Variants in CNDP2 observed in about 807,000 individuals in gnomAD.
CNDP2 encodes carnosine dipeptidase 2.
Under a neutral mutation model 55.0 loss-of-function variants are expected in CNDP2, and 38 were observed. The observed-to-expected ratio is 0.69, with a 90% CI of 0.53 to 0.90. CNDP2 has a LOEUF of 0.90. Among genes scored for constraint, CNDP2 ranks in the 40% least tolerant of loss-of-function variants. The pLI, the probability that CNDP2 is intolerant of heterozygous loss-of-function variation, is 0.00. For missense variants in CNDP2, 607 were observed against 621.7 expected (o/e 0.98, Z 0.25); for synonymous variants, 241 against 260.2 (o/e 0.93, Z 0.71).
chr18:74,500,309 C>T (rs551005793), intron 2 of CNDP2, among the ~76,000 whole-genome samples: 2 of 152,312 alleles, frequency 1.3e-5, no homozygotes, highest in East Asian at 3.9e-4. Context: ...AAATAGTTTG[C>T]ATTAAGTATG....
rs1980050343 is a variant in CNDP2 at position 74,521,578 on chromosome 18, G to T, written c.*1510G>T. Reference sequence around the variant, plus strand: ...CACAGGAGCCAGCCTGGAAGAGTTTGCAGGGGCCCAGGGGAGCAATTGGAG... The same window carrying T: ...CACAGGAGCCAGCCTGGAAGAGTTTTCAGGGGCCCAGGGGAGCAATTGGAG... On this transcript the variant is annotated 3_prime_UTR_variant, in exon 12 of 12. Coordinates refer to ENST00000324262, the MANE Select transcript of CNDP2 (RefSeq NM_018235.3). The T allele has an allele frequency of 6.6e-6, 1 of 152,342 alleles. No homozygotes were observed. The highest frequency in any genetic ancestry group is 1.5e-5 in the Non-Finnish European group (1 of 68,122). 9.4% of individuals were successfully genotyped at this position (152,342 alleles called of 1,614,324 possible).
Position 74,520,332 on chromosome 18 carries a change from C to A in CNDP2, c.*264C>A. 2.3e-6 allele frequency: 1 copy of A among 443,216 alleles called. No homozygotes were observed. 27.5% of individuals were successfully genotyped at this position (443,216 alleles called of 1,614,324 possible). ...GATGGCTTGACCTGCAGAAGATACC[C>A]AAGGTCCAAAAGCACAAGGTCTGCG... On this transcript the variant is annotated 3_prime_UTR_variant, in exon 12 of 12. Coordinates refer to ENST00000324262, the MANE Select transcript of CNDP2 (RefSeq NM_018235.3).
rs894396143 is a variant in CNDP2 at position 74,516,446 on chromosome 18, A to G, written c.1068+54A>G. 7 of 1,517,838 alleles carry G rather than the reference A, an allele frequency of 4.6e-6. No individual in the cohort carries two copies. In the South Asian group the frequency reaches 8.8e-5, roughly 19 times the overall value. The allele number at this position is 1,517,838 out of a possible 1,614,324, so 94.0% of individuals were successfully genotyped here. The stretch of plus-strand genomic sequence containing the variant: ...GCCAAGAGCTACTGTGTCCGGGCAG[A>G]GACTTGGGTAATATAGGCTGTTACT... On this transcript the variant is annotated intron_variant, in intron 9 of 11. Coordinates refer to ENST00000324262, the MANE Select transcript of CNDP2 (RefSeq NM_018235.3).
Position 74,520,099 on chromosome 18 carries a change from G to GA in CNDP2, c.*33dup, listed in dbSNP as rs1568284344. ...GCCCTCTGTGTGCCATCTCCAATGAGAAGGAATCCTGCCCTCACCTCACCC... is the reference window on the plus strand; with the variant it reads ...GCCCTCTGTGTGCCATCTCCAATGAGAAAGGAATCCTGCCCTCACCTCACCC... On this transcript the variant is annotated 3_prime_UTR_variant, in exon 12 of 12. Transcript: ENST00000324262. The GA allele has an allele frequency of 6.2e-7, 1 of 1,609,334 alleles. No individual in the cohort carries two copies. Among genetic ancestry groups the GA allele is most frequent in the Non-Finnish European group, 8.5e-7 (1 of 1,175,792 alleles).
chr18:74,508,611 G>T, intron 4 of CNDP2: 1 of 488,038 alleles, frequency 2.0e-6, no homozygotes, highest in South Asian at 2.7e-5. Flanking sequence ...ACCACGGTGG[G>T]AGAAGGAAGG....
At chr18:74,499,852 T>C in intron 1 of CNDP2, 30 bp from the exon 2 acceptor site, 1 of 791,608 alleles carries the variant, frequency 1.3e-6, no homozygotes, top group Non-Finnish European at 2.0e-6. Flanking sequence ...GGCAACAATT[T>C]ACAATTCTGA....
chr18:74,504,081 G>C (rs55713222), intron 3 of CNDP2, among the ~76,000 whole-genome samples: 93 of 84,988 alleles, frequency 1.1e-3, no homozygotes, highest in Middle Eastern at 0.012. Flanking sequence ...CGCAGCCACA[G>C]TGCCGCTGGG....
At chr18:74,503,424 G>C (rs1978825174) in intron 3 of CNDP2, among the ~76,000 whole-genome samples, 1 of 152,176 alleles carries the variant, frequency 6.6e-6, no homozygotes, top group Non-Finnish European at 1.5e-5. Flanking sequence ...GTGGAAGTGG[G>C]TGTTTTCCTG....
At chr18:74,518,812 C>T (rs1321679782) in intron 10 of CNDP2, 137 bp from the exon 11 acceptor site, 65 of 1,440,370 alleles carry the variant, frequency 4.5e-5, no homozygotes, top group Non-Finnish European at 5.2e-5. Context: ...GGACCCCTGG[C>T]GGACCTTGAA....
At chr18:74,516,131 C>T in intron 8 of CNDP2, 97 bp from the exon 9 acceptor site, 1 of 1,355,348 alleles carries the variant, frequency 7.4e-7, no homozygotes, top group Non-Finnish European at 1.0e-6. Context: ...CTGTTTCATA[C>T]CGCTCATTTC....
At position 74,513,572 on chromosome 18, in the gene CNDP2, C is replaced by T. The variant is rs141081333; in HGVS notation, c.756C>T (p.Asp252=). ...GGCTTCCCTCAGGCTCTTTGGTGGA[C>T]AAGAGGGGGAACATCCTGATCCCCG... ...DLILLMGSLV[D]KRGNILIPGI... Residue 252 remains aspartate, a synonymous_variant, in exon 8 of 12, where the codon GAC becomes GAT. Transcript: ENST00000324262. 3.4e-4 allele frequency: 541 copies of T among 1,612,828 alleles called. 6 individuals carry two copies. The East Asian group carries it at 0.011, about 33-fold the overall frequency.
In CNDP2 at chr18:74,512,671, C is replaced by G. The variant is rs1271003028; in HGVS notation, c.742+139C>G. 4 of 672,886 alleles carry G rather than the reference C, an allele frequency of 5.9e-6. No individual in the cohort carries two copies. In the African/African-American group the frequency reaches 7.3e-5, roughly 12 times the overall value. 41.7% of individuals were successfully genotyped at this position (672,886 alleles called of 1,614,324 possible). A position where few individuals can be genotyped will look rare whatever the true frequency, so the allele number is the denominator to read the frequency against. On this transcript the variant is annotated intron_variant, in intron 7 of 11. Transcript: ENST00000324262. ...TGTCTCAGTTTCCTACTGTGCCTCT[C>G]CCTCCTTCCACTCACTTGTCCCTCT...
chr18:74,501,302 C>T, intron 2 of CNDP2, 27 bp from the exon 3 acceptor site: 1 of 1,604,554 alleles, frequency 6.2e-7, no homozygotes, highest in Non-Finnish European at 8.5e-7. Flanking sequence ...TTTTCAGAAT[C>T]CCTCGTTGCT....
At chr18:74,502,447 A>G (rs1402107538) in intron 3 of CNDP2, among the ~76,000 whole-genome samples, 1 of 150,798 alleles carries the variant, frequency 6.6e-6, no homozygotes, top group East Asian at 2.0e-4. Context: ...GTGTGTATAT[A>G]TATGTGTGTT....
In CNDP2 at chr18:74,516,356, C is replaced by T. The variant is rs199690568; in HGVS notation, c.1032C>T (p.Leu344=). 82 of 1,613,778 alleles carry T rather than the reference C, an allele frequency of 5.1e-5. No individual in the cohort carries two copies. Among genetic ancestry groups the T allele is most frequent in the Non-Finnish European group, 6.5e-5 (77 of 1,179,822 alleles). ...TGGTTGGCAAGTTCTCCATCAGGCT[C>T]GTGCCGAACATGACTCCTGAAGTCG... ...RKVVGKFSIR[L]VPNMTPEVVG... is the part of the protein sequence containing the mutation. The change falls in exon 9 of 12, where the codon CTC becomes CTT. Residue 344 remains leucine (L), a synonymous_variant. Transcript: ENST00000324262.
chr18:74,502,830 T>C (rs1421072969), intron 3 of CNDP2, among the ~76,000 whole-genome samples: 2 of 151,922 alleles, frequency 1.3e-5, no homozygotes, highest in Non-Finnish European at 2.9e-5. Context: ...AGGGAGAGAG[T>C]GGAGGCCAGG....
Position 74,511,402 on chromosome 18 carries a change from C to T in CNDP2, c.657+389C>T, listed in dbSNP as rs186299706. ...GGCTCCTTATCCCATGACTAAGTGA[C>T]GCACGGGAAAAAGAGAAACCGAGGC... is the stretch of plus-strand genomic sequence containing the variant. On this transcript the variant is annotated intron_variant, in intron 6 of 11. Coordinates refer to ENST00000324262, the MANE Select transcript of CNDP2 (RefSeq NM_018235.3). Among the ~76,000 whole-genome samples the T allele has an allele frequency of 2.6e-4, 40 of 152,238 alleles. 1 individual carries two copies. Among genetic ancestry groups the T allele is most frequent in the Admixed American group, 1.1e-3 (17 of 15,292 alleles).
intron 1 of CNDP2, among the ~76,000 whole-genome samples, chr18:74,496,717 G>A (rs1035913140): frequency 6.6e-6 from 1 of 152,242 alleles, no homozygotes; most frequent in Non-Finnish European, 1.5e-5. Context: ...AAGCTGGGCG[G>A]CGCACTTGGC....
At chr18:74,519,826 G>C (rs1224614603) in intron 11 of CNDP2, among the ~76,000 whole-genome samples, 173 bp from the exon 12 acceptor site, 1 of 152,220 alleles carries the variant, frequency 6.6e-6, no homozygotes, top group Non-Finnish European at 1.5e-5. Flanking sequence ...AGCTGCACTT[G>C]AGAACCGGGG....
Sources: allele counts gnomAD v4.1 joint callset (sites outside exome capture counted in the v4.1 genomes callset), GRCh38; gene constraint gnomAD v4.1.1; transcripts MANE v1.5; gene names NCBI Gene and HGNC (gene_info 2026-07-23, HGNC 2026-07-21).